MTUS2: variants seen among roughly 807,000 people sequenced by gnomAD.
MTUS2 encodes the protein microtubule associated scaffold protein 2.
Under a neutral mutation model 114.1 loss-of-function variants are expected in MTUS2, and 40 were observed. That is an observed-to-expected ratio of 0.35 (90% CI 0.27 to 0.46). MTUS2 has a LOEUF of 0.46. Ranked by LOEUF, MTUS2 falls within the 20% of genes least tolerant of loss-of-function variation. The pLI, the probability that MTUS2 is intolerant of heterozygous loss-of-function variation, is 1.00. For synonymous variants in MTUS2, 688 were observed against 672.0 expected (o/e 1.02, Z -0.37); for missense variants, 1,679 against 1,705.4 (o/e 0.98, Z 0.27).
At chr13:29,412,643 G>C (rs749378108) in intron 8 of MTUS2, among the ~76,000 whole-genome samples, 1 of 152,102 alleles carries the variant, frequency 6.6e-6, no homozygotes, top group Non-Finnish European at 1.5e-5. Context: ...AATTCCCAGA[G>C]CTTTGGGAGG....
At chr13:28,877,794 G>C (rs910460469) in intron 2 of MTUS2, among the ~76,000 whole-genome samples, 18 of 152,104 alleles carry the variant, frequency 1.2e-4, no homozygotes, top group Admixed American at 1.2e-3. Context: ...TCTATTGCTG[G>C]TGCCATCGTT....
chr13:28,965,283 G>A (rs1883527353), intron 2 of MTUS2, among the ~76,000 whole-genome samples: 1 of 152,194 alleles, frequency 6.6e-6, no homozygotes, highest in Non-Finnish European at 1.5e-5. Flanking sequence ...GTGGAAACAA[G>A]TGGCCTCTAA....
intron 2 of MTUS2, among the ~76,000 whole-genome samples, chr13:28,928,647 C>T (rs1255424804): frequency 5.3e-5 from 8 of 152,088 alleles, no homozygotes; most frequent in East Asian, 1.9e-4. Context: ...AATGTAAGTA[C>T]GGCTACTATG....
chr13:29,381,097 A>C (rs4551871), intron 8 of MTUS2, among the ~76,000 whole-genome samples: 106,345 of 152,040 alleles, frequency 0.7, 39,343 homozygotes, highest in East Asian at 0.83. Flanking sequence ...ATGAGACTTG[A>C]AGCTGCCTAG....
chr13:29,364,712 C>T (rs576764497), intron 8 of MTUS2, among the ~76,000 whole-genome samples: 105 of 152,326 alleles, frequency 6.9e-4, no homozygotes, highest in South Asian at 1.5e-3. Flanking sequence ...GAAGCTATTA[C>T]GTCCACCAGC....
chr13:29,270,677 C>T (rs554062160), intron 5 of MTUS2, among the ~76,000 whole-genome samples: 99 of 152,374 alleles, frequency 6.5e-4, no homozygotes, highest in African/African-American at 2.2e-3. Flanking sequence ...CATGAGCACA[C>T]GCTCCCTGTG....
chr13:29,197,043 C>T (rs1894732310), intron 5 of MTUS2, among the ~76,000 whole-genome samples: 3 of 152,106 alleles, frequency 2.0e-5, no homozygotes, highest in Admixed American at 2.0e-4. Context: ...GTATTTTCTA[C>T]AGTGGGTGTA....
intron 6 of MTUS2, among the ~76,000 whole-genome samples, chr13:29,312,581 G>T (rs1239722978): frequency 3.9e-5 from 6 of 152,124 alleles, no homozygotes; most frequent in African/African-American, 1.4e-4. Context: ...AAATTATTGG[G>T]TAGAAAGAGA....
intron 5 of MTUS2, among the ~76,000 whole-genome samples, chr13:29,152,249 A>G (rs1249453972): frequency 1.3e-5 from 2 of 152,200 alleles, no homozygotes; most frequent in Non-Finnish European, 2.9e-5. Flanking sequence ...AAATTAAGAT[A>G]GAGAGGAGTT....
intron 4 of MTUS2, among the ~76,000 whole-genome samples, chr13:29,055,560 C>G (rs144940502): frequency 1.1e-3 from 164 of 152,164 alleles, no homozygotes; most frequent in African/African-American, 3.7e-3. Context: ...CTGTTCTCTT[C>G]TTTGTTTCAA....
At chr13:29,450,374 C>T (rs1208506244) in intron 9 of MTUS2, among the ~76,000 whole-genome samples, 7 of 151,994 alleles carry the variant, frequency 4.6e-5, no homozygotes, top group African/African-American at 1.7e-4. Context: ...GTAGTCCTGT[C>T]GTATGTAAGT....
At chr13:28,963,338 G>T (rs549598199) in intron 2 of MTUS2, among the ~76,000 whole-genome samples, 3 of 152,242 alleles carry the variant, frequency 2.0e-5, no homozygotes, top group Non-Finnish European at 2.9e-5. Flanking sequence ...GCGTCAGAGC[G>T]AGACTCCATC....
intron 4 of MTUS2, among the ~76,000 whole-genome samples, chr13:29,061,226 T>C (rs910239299): frequency 6.6e-6 from 1 of 151,728 alleles, no homozygotes; most frequent in African/African-American, 2.4e-5. Flanking sequence ...TACTTTTCAA[T>C]TAGTTTGATT....
rs58871176 is a variant in MTUS2 at position 29,274,102 on chromosome 13, TTTTG to T, written c.2645-7578_2645-7575del. On this transcript the variant is annotated intron_variant, in intron 5 of 15. Coordinates refer to ENST00000612955, the MANE Select transcript of MTUS2 (RefSeq NM_001033602.4). ...GGTTTTTTGTTCTGTTTGTTTTTTG[TTTTG>T]TTTGTTTGTTTGTTTGTTTGTTTTT... Among the ~76,000 whole-genome samples, 451 of 151,910 alleles carry T rather than the reference TTTTG, an allele frequency of 3.0e-3. 1 individual carries two copies. Among genetic ancestry groups the T allele is most frequent in the African/African-American group, 9.3e-3 (386 of 41,350 alleles).
intron 2 of MTUS2, among the ~76,000 whole-genome samples, chr13:28,904,004 G>T (rs1879817494): frequency 6.6e-6 from 1 of 152,282 alleles, no homozygotes; most frequent in African/African-American, 2.4e-5. Flanking sequence ...GCATTTCTCT[G>T]ATAGCCAGTG....
chr13:29,390,928 G>T (rs867854437), intron 8 of MTUS2, among the ~76,000 whole-genome samples: 5 of 151,408 alleles, frequency 3.3e-5, no homozygotes, highest in Admixed American at 3.3e-4. Flanking sequence ...GACTACAGGC[G>T]CACACCACTA....
At position 29,480,497 on chromosome 13, in the gene MTUS2, T is replaced by G. The variant is rs1424295050; in HGVS notation, c.3399+133T>G. On this transcript the variant is annotated intron_variant, in intron 10 of 15. Transcript: ENST00000612955. The surrounding 1 kb of genome is among the most constrained non-coding windows in gnomAD (Gnocchi z 4.4). ...TGAACAGTTCACTTTCTGAGTTGCT[T>G]TCTCCTTTCTCCCCGCTCCTCTCTT... is the stretch of plus-strand genomic sequence containing the variant. 6 of 961,506 alleles carry G rather than the reference T, an allele frequency of 6.2e-6. No individual in the cohort carries two copies. In the Admixed American group the frequency reaches 1.8e-4, roughly 28 times the overall value. 59.6% of individuals were successfully genotyped at this position (961,506 alleles called of 1,614,324 possible).
intron 2 of MTUS2, among the ~76,000 whole-genome samples, chr13:29,006,828 C>T (rs568808256): frequency 1.3e-5 from 2 of 152,182 alleles, no homozygotes; most frequent in African/African-American, 2.4e-5. Flanking sequence ...CTGTGACTCT[C>T]TTCTGATGCT....
intron 2 of MTUS2, among the ~76,000 whole-genome samples, chr13:28,940,195 G>A (rs1319503930): frequency 6.6e-6 from 1 of 152,154 alleles, no homozygotes; most frequent in Non-Finnish European, 1.5e-5. Context: ...CTTAACCACA[G>A]CCAAAAGGTG....
Sources: gnomAD v4.1 joint callset for allele counts (sites outside exome capture counted in the v4.1 genomes callset) on GRCh38, gnomAD v4.1.1 for gene constraint, Gnocchi (gnomAD v3.1) non-coding constraint, MANE v1.5 for transcripts, NCBI Gene and HGNC (gene_info 2026-07-23, HGNC 2026-07-21) for gene names.